The following EVC variants were observed in gnomAD, a reference collection of about 807,000 sequenced individuals.
The protein encoded by EVC is evC complex member EVC.
Under a neutral mutation model 118.9 loss-of-function variants are expected in EVC, and 116 were observed. The observed-to-expected ratio is 0.98, with a 90% CI of 0.84 to 1.14. EVC has a LOEUF of 1.14. Among genes scored for constraint, EVC ranks in the 50% most tolerant of loss-of-function variants. The pLI is 0.00. For missense variants in EVC, 1,401 were observed against 1,246.4 expected, an observed-to-expected ratio of 1.12 and a Z score of -1.87; for synonymous variants, 619 against 534.7, an observed-to-expected ratio of 1.16 and a Z score of -2.18.
chr4:5,737,285 G>A lies in EVC; in HGVS notation c.702+3850G>A, dbSNP rs1479969453. Among the ~76,000 whole-genome samples the A allele has an allele frequency of 6.6e-6, 1 of 152,238 alleles. No individual in the cohort carries two copies. Among genetic ancestry groups the A allele is most frequent in the East Asian group, 1.9e-4 (1 of 5,200 alleles). On this transcript the variant is annotated intron_variant, in intron 5 of 20. Coordinates refer to ENST00000264956, the MANE Select transcript of EVC (RefSeq NM_153717.3). The surrounding 1 kb of genome is among the most constrained non-coding windows in gnomAD (Gnocchi z 5.0). ...TAGCAGAGCATGAGGTTTAAAGAAAGAAGCTGTCTCCAGAACAAACAAAAG... is the reference window on the plus strand; with the variant it reads ...TAGCAGAGCATGAGGTTTAAAGAAAAAAGCTGTCTCCAGAACAAACAAAAG...
At chr4:5,783,185 G>A (rs1280048765) in intron 11 of EVC, among the ~76,000 whole-genome samples, 1 of 152,152 alleles carries the variant, frequency 6.6e-6, no homozygotes, top group Non-Finnish European at 1.5e-5. Flanking sequence ...ATGCATGGAT[G>A]TATGTAGGAG....
intron 18 of EVC, 67 bp from the exon 19 acceptor site, chr4:5,809,451 C>G (rs779059019): frequency 1.3e-5 from 18 of 1,398,394 alleles, no homozygotes; most frequent in Non-Finnish European, 1.6e-5. Context: ...AATTCACTCA[C>G]GTGGAGAGGG....
At chr4:5,769,257 T>G (rs1733558769) in intron 11 of EVC, among the ~76,000 whole-genome samples, 1 of 152,048 alleles carries the variant, frequency 6.6e-6, no homozygotes, top group Non-Finnish European at 1.5e-5. Flanking sequence ...GAACTCCTCT[T>G]TATAAAACCA....
intron 7 of EVC, among the ~76,000 whole-genome samples, chr4:5,747,093 G>T (rs1304712755): frequency 1.3e-5 from 2 of 152,126 alleles, no homozygotes; most frequent in Non-Finnish European, 2.9e-5. Flanking sequence ...AGGAGGAGCA[G>T]CATGTATGGG....
At chr4:5,724,570 G>T (rs1552062) in intron 2 of EVC, among the ~76,000 whole-genome samples, 86,151 of 151,964 alleles carry the variant, frequency 0.57, 24,905 homozygotes, top group Middle Eastern at 0.64. Context: ...ATGATTAGCT[G>T]TGTGGCCTTG....
In EVC at chr4:5,783,766, T is replaced by C; in HGVS notation, c.1776+2T>C. 6.2e-7 allele frequency: 1 copy of C among 1,605,956 alleles called. No homozygotes were observed. The highest frequency in any genetic ancestry group is 8.5e-7 in the Non-Finnish European group (1 of 1,176,034). The stretch of plus-strand genomic sequence containing the variant: ...GAGCTCCTAGAGCAAGACCAGCAGG[T>C]GCGGGCATTTGGGAACCCAGGGGCT... On this transcript the variant is annotated splice_donor_variant, in intron 12 of 20. Coordinates refer to ENST00000264956, the MANE Select transcript of EVC (RefSeq NM_153717.3). LOFTEE classifies it high-confidence loss of function.
intron 11 of EVC, among the ~76,000 whole-genome samples, chr4:5,762,008 C>T (rs1247112035): frequency 2.0e-5 from 3 of 150,298 alleles, no homozygotes; most frequent in African/African-American, 7.4e-5. Flanking sequence ...CCCACTAACT[C>T]GTCATCTAGC....
rs369077684 is a variant in EVC, at chr4:5,720,515, G to A, written c.300+1142G>A. Among the ~76,000 whole-genome samples, 224 of 143,196 alleles carry A rather than the reference G, an allele frequency of 1.6e-3. 1 individual carries two copies. The highest frequency in any genetic ancestry group is 5.9e-3 in the African/African-American group (196 of 33,032). The allele number at this position is 143,196 out of a possible 152,430, so 93.9% of individuals were successfully genotyped here. A position where few individuals can be genotyped will look rare whatever the true frequency, so the allele number is the denominator to read the frequency against. On this transcript the variant is annotated intron_variant, in intron 2 of 20. Coordinates refer to ENST00000264956, the MANE Select transcript of EVC (RefSeq NM_153717.3). ...TTTCCAACCTGTTCCATCCTGTTCC[G>A]CAGCCTTAGCTTACCACAGAAGAAA...
Position 5,797,201 on chromosome 4 carries a change from A to G in EVC, c.2066A>G (p.Asp689Gly), listed in dbSNP as rs748843712. The stretch of plus-strand genomic sequence containing the variant: ...GAGCAGGGGTCCTCCCAGTGCCTGG[A>G]CGAGCATCAGTGGCAGCTGCTCAGG... ...ALEQGSSQCLDEHQWQLLRAL... is the reference protein window; with the variant it reads ...ALEQGSSQCLGEHQWQLLRAL... The change falls in exon 14 of 21, where the codon GAC (aspartate) becomes GGC (glycine). Residue 689 changes from aspartate (D) to glycine (G), a missense_variant. Coordinates refer to ENST00000264956, the MANE Select transcript of EVC (RefSeq NM_153717.3). The G allele has an allele frequency of 3.1e-6, 5 of 1,612,304 alleles. No homozygotes were observed. In the South Asian group the frequency reaches 5.5e-5, roughly 18 times the overall value.
chr4:5,711,728 C>G (rs1056496555), intron 1 of EVC, among the ~76,000 whole-genome samples, 174 bp downstream of exon 1: 5 of 152,176 alleles, frequency 3.3e-5, no homozygotes, highest in African/African-American at 4.8e-5. Context: ...GGCGGCGTGA[C>G]TAAAGGGCAT....
Position 5,808,206 on chromosome 4 carries a change from T to C in EVC, c.2567T>C (p.Leu856Pro). The part of the protein sequence containing the change: ...ETSQAVHQRM[L>P]SQQKRFLAQF... ...GCCTGCCTTCCTCCCCCCAGGATGC[T>C]GTCCCAGCAGAAGAGGTTCCTGGCC... Residue 856 changes from leucine (L) to proline (P), a missense_variant, in exon 18 of 21, where the codon CTG becomes CCG. Coordinates refer to ENST00000264956, the MANE Select transcript of EVC (RefSeq NM_153717.3). The C allele has an allele frequency of 2.9e-6, 4 of 1,367,564 alleles. No individual in the cohort carries two copies. The highest frequency in any genetic ancestry group is 2.1e-4 in the Middle Eastern group (1 of 4,818). 84.7% of individuals were successfully genotyped at this position (1,367,564 alleles called of 1,614,324 possible). A position where few individuals can be genotyped will look rare whatever the true frequency, so the allele number is the denominator to read the frequency against.
chr4:5,825,524 T>A, the EVC span: 1 of 1,578,992 alleles, frequency 6.3e-7, no homozygotes, highest in African/African-American at 1.4e-5. The surrounding 1 kb of genome is among the most constrained non-coding windows in gnomAD (Gnocchi z 4.4). Flanking sequence ...TGGTGGAGGT[T>A]TCTGATGGGT....
At chr4:5,759,635 T>C (rs188975263) in intron 11 of EVC, among the ~76,000 whole-genome samples, 1 of 152,310 alleles carries the variant, frequency 6.6e-6, no homozygotes, top group Admixed American at 6.5e-5. Context: ...TTAAGGAAAT[T>C]GAGGTACAGG....
chr4:5,778,245 A>C (rs1426857344), intron 11 of EVC, among the ~76,000 whole-genome samples: 2 of 151,730 alleles, frequency 1.3e-5, no homozygotes, highest in Non-Finnish European at 2.9e-5. Context: ...TCATTGTTGG[A>C]CATTTGGGTT....
intron 2 of EVC, among the ~76,000 whole-genome samples, chr4:5,723,602 T>C (rs946483467): frequency 2.6e-5 from 4 of 152,146 alleles, no homozygotes. Context: ...TCGTTTCTTT[T>C]CTCCCCTGTT....
At chr4:5,733,314 C>T in intron 4 of EVC, 37 bp from the exon 5 acceptor site, 1 of 1,557,746 alleles carries the variant, frequency 6.4e-7, no homozygotes, top group Non-Finnish European at 8.9e-7. Context: ...TTTCCGATAC[C>T]CTGAAAGTCT....
chr4:5,748,725 CATCCACCCATCA>C (rs758157838), intron 8 of EVC, among the ~76,000 whole-genome samples: 3 of 139,122 alleles, frequency 2.2e-5, no homozygotes, highest in African/African-American at 2.8e-5. Context: ...CCCACCCACC[CATCCACCCATCA>C]ATCCACCCAT....
chr4:5,741,902 T>C (rs1166219603), intron 6 of EVC, 88 bp downstream of exon 6: 2 of 653,628 alleles, frequency 3.1e-6, no homozygotes, highest in Non-Finnish European at 5.4e-6. Context: ...TTTTCTTTCA[T>C]GTATAAAATA....
chr4:5,794,319 A>G (rs1259953183), intron 13 of EVC, among the ~76,000 whole-genome samples: 1 of 133,764 alleles, frequency 7.5e-6, no homozygotes, highest in African/African-American at 2.8e-5. Flanking sequence ...ATATATTTAT[A>G]TATATTTATA....
Sources: gnomAD v4.1 joint callset for allele counts (sites outside exome capture counted in the v4.1 genomes callset) on GRCh38, gnomAD v4.1.1 for gene constraint, Gnocchi (gnomAD v3.1) non-coding constraint, MANE v1.5 for transcripts, NCBI Gene and HGNC (gene_info 2026-07-23, HGNC 2026-07-21) for gene names.